SLX4: variants seen among roughly 807,000 people sequenced by gnomAD.
The protein encoded by SLX4 is SLX4 structure-specific endonuclease subunit.
SLX4 carries 112 observed loss-of-function variants against 146.2 expected under a neutral mutation model. The observed-to-expected ratio is 0.77, with a 90% CI of 0.66 to 0.90. SLX4 has a LOEUF of 0.90. Among genes scored for constraint, SLX4 ranks in the 40% least tolerant of loss-of-function variants. SLX4 has a pLI of 0.00. For missense variants in SLX4, 2,563 were observed against 2,392.7 expected, an observed-to-expected ratio of 1.07 and a Z score of -1.49; for synonymous variants, 1,061 against 997.7, an observed-to-expected ratio of 1.06 and a Z score of -1.20.
In SLX4 at chr16:3,603,733, C is replaced by A. The variant is rs79121353; in HGVS notation, c.761-1426G>T. On this transcript the variant is annotated intron_variant, in intron 3 of 14. Coordinates refer to ENST00000294008, the MANE Select transcript of SLX4 (RefSeq NM_032444.4). The stretch of plus-strand genomic sequence containing the variant: ...AGAACAGGAGCACCTGGCATTATTA[C>A]GCTTATTGGGCCGGTGCCACACCAA... 7.9e-3 allele frequency among the ~76,000 whole-genome samples: 1,198 copies of A among 152,324 alleles called. 16 individuals carry two copies. Among genetic ancestry groups the A allele is most frequent in the African/African-American group, 0.021 (858 of 41,570 alleles).
rs772366701 is a variant in SLX4, at chr16:3,608,914, A to G, written c.51T>C (p.Leu17=). The change falls in exon 2 of 15, where the codon CTT becomes CTC. Residue 17 remains leucine, a synonymous_variant. Transcript: ENST00000294008. ...EAQLGFYLGS[L]SHLSACPGID... ...TCCCAGGACAGGCAGACAGATGAGAAAGTGAACCCAAGTAGAAGCCTAGCT... is the reference window on the plus strand; with the variant it reads ...TCCCAGGACAGGCAGACAGATGAGAGAGTGAACCCAAGTAGAAGCCTAGCT... 3.7e-6 allele frequency: 6 copies of G among 1,614,044 alleles called. No individual in the cohort carries two copies. The highest frequency in any genetic ancestry group is 5.1e-6 in the Non-Finnish European group (6 of 1,180,028).
chr16:3,584,996 G>A (rs373178511), intron 12 of SLX4, 125 bp from the exon 13 acceptor site: 4 of 782,022 alleles, frequency 5.1e-6, no homozygotes, highest in Non-Finnish European at 6.8e-6. Context: ...TTTGCTCCAT[G>A]AAAGCAACAG....
chr16:3,587,878 A>T (rs945544154), intron 12 of SLX4, among the ~76,000 whole-genome samples: 1 of 152,116 alleles, frequency 6.6e-6, no homozygotes, highest in Non-Finnish European at 1.5e-5. Flanking sequence ...CCTTTCTCCC[A>T]GTCATGCTCA....
chr16:3,601,131 CG>C lies in SLX4; in HGVS notation c.1010del (p.Pro337ArgfsTer10). On this transcript the variant is annotated frameshift_variant, in exon 5 of 15. Coordinates refer to ENST00000294008, the MANE Select transcript of SLX4 (RefSeq NM_032444.4). LOFTEE classifies it high-confidence loss of function. ...AGGTAAGAAACGGTTTCCCACAAAT[CG>C]GGCACTCAGGGATCTGAGGCACAGA... ...RPSVPQIPECPICGKPFLTLK... is the reference protein window; with the variant it reads ...RPSVPQIPECXICGKPFLTLK... The C allele has an allele frequency of 6.2e-7, 1 of 1,614,072 alleles. No homozygotes were observed. Among genetic ancestry groups the C allele is most frequent in the Non-Finnish European group, 8.5e-7 (1 of 1,180,030 alleles).
intron 9 of SLX4, 25 bp downstream of exon 9, chr16:3,595,580 A>C (rs1362301261): frequency 1.2e-6 from 2 of 1,612,362 alleles, no homozygotes; most frequent in Non-Finnish European, 1.7e-6. Flanking sequence ...GGGACCAGAG[A>C]GCGCGGGCCA....
chr16:3,598,249 T>G (rs931316148), intron 5 of SLX4, among the ~76,000 whole-genome samples: 1 of 152,200 alleles, frequency 6.6e-6, no homozygotes, highest in Non-Finnish European at 1.5e-5. Flanking sequence ...TCATGGCAGA[T>G]GTACGGAGCC....
chr16:3,585,009 G>A, intron 12 of SLX4, 138 bp from the exon 13 acceptor site: 1 of 734,234 alleles, frequency 1.4e-6, no homozygotes, highest in Non-Finnish European at 2.5e-6. Context: ...AGCAACAGTG[G>A]TCACCCCTTC....
intron 9 of SLX4, among the ~76,000 whole-genome samples, chr16:3,595,370 C>A (rs1028563453): frequency 6.6e-6 from 1 of 152,232 alleles, no homozygotes; most frequent in East Asian, 1.9e-4. Flanking sequence ...CATGGAGTCA[C>A]AGACAGAAAA....
At position 3,597,073 on chromosome 16, in the gene SLX4, A is replaced by G. The variant is rs921857800; in HGVS notation, c.1683+306T>C. ...CCTGACCTCGTGATCCGCCCACCTC[A>G]GCCTCCCAAAGTGCAGGGATTACGG... On this transcript the variant is annotated intron_variant, in intron 7 of 14. Coordinates refer to ENST00000294008, the MANE Select transcript of SLX4 (RefSeq NM_032444.4). This position sits in a 1 kb window ranked among gnomAD's most constrained non-coding sequence, Gnocchi z 4.4. 6.6e-6 allele frequency among the ~76,000 whole-genome samples: 1 copy of G among 151,944 alleles called. No homozygotes were observed. The highest frequency in any genetic ancestry group is 2.4e-5 in the African/African-American group (1 of 41,364).
chr16:3,591,319 C>G lies in SLX4; in HGVS notation c.2328-9G>C, dbSNP rs73505419. The G allele has an allele frequency of 3.9e-4, 623 of 1,609,618 alleles. No homozygotes were observed. In the African/African-American group the frequency reaches 6.9e-3, roughly 18 times the overall value. Reference sequence around the variant, plus strand: ...GCTCACTCACGCCAAACCTGCAACACGAAACATCGACAGTCATCGCCCCTC... The same window carrying G: ...GCTCACTCACGCCAAACCTGCAACAGGAAACATCGACAGTCATCGCCCCTC... On this transcript the variant is annotated splice_polypyrimidine_tract_variant and intron_variant, in intron 11 of 14. Transcript: ENST00000294008.
chr16:3,605,621 A>G (rs1184903034), intron 3 of SLX4, among the ~76,000 whole-genome samples: 1 of 152,124 alleles, frequency 6.6e-6, no homozygotes, highest in Non-Finnish European at 1.5e-5. Context: ...AAAAACTGAA[A>G]GGGAAAGCTT....
At chr16:3,588,885 C>T in intron 12 of SLX4, 117 bp downstream of exon 12, 1 of 1,317,602 alleles carries the variant, frequency 7.6e-7, no homozygotes, top group South Asian at 1.2e-5. Context: ...AGTGTCATGC[C>T]TCAGGTCAGC....
intron 8 of SLX4, 82 bp from the exon 9 acceptor site, chr16:3,595,775 G>A (rs943579483): frequency 6.6e-7 from 1 of 1,524,014 alleles, no homozygotes; most frequent in Non-Finnish European, 9.0e-7. Flanking sequence ...ACCACAGGCT[G>A]AGCCAGCCCC....
In SLX4 at chr16:3,583,420, G is replaced by A. The variant is rs370775954; in HGVS notation, c.4830C>T (p.Ser1610=). 1.2e-5 allele frequency: 19 copies of A among 1,613,802 alleles called. No homozygotes were observed. Among genetic ancestry groups the A allele is most frequent in the African/African-American group, 6.7e-5 (5 of 74,930 alleles). ...GCTGTGAGGACTGGCTCTCGTCCTC[G>A]GAGTCTGAGTCCAGGGTCTGGTGAG... The part of the protein sequence containing the change: ...QYTHQTLDSD[S]EDESQSSQPL... Residue 1610 remains serine, a synonymous_variant, in exon 14 of 15, where the codon TCC becomes TCT. Coordinates refer to ENST00000294008, the MANE Select transcript of SLX4 (RefSeq NM_032444.4).
In SLX4 at chr16:3,609,363, G is replaced by A. The variant is rs1177862096; in HGVS notation, c.-399C>T. Reference sequence around the variant, plus strand: ...GCGGAGATTGCAGTGAGCCGAGATCGTGCCACTGCACTCTAACCTGGGCAA... The same window carrying A: ...GCGGAGATTGCAGTGAGCCGAGATCATGCCACTGCACTCTAACCTGGGCAA... On this transcript the variant is annotated 5_prime_UTR_variant, in exon 2 of 15. The change creates a new upstream start codon in the 5' untranslated region. Coordinates refer to ENST00000294008, the MANE Select transcript of SLX4 (RefSeq NM_032444.4). The A allele has an allele frequency of 5.6e-5, 12 of 214,868 alleles. No individual in the cohort carries two copies. The highest frequency in any genetic ancestry group is 2.1e-4 in the South Asian group (3 of 14,332). The allele number at this position is 214,868 out of a possible 1,614,324, so 13.3% of individuals were successfully genotyped here. A position where few individuals can be genotyped will look rare whatever the true frequency, so the allele number is the denominator to read the frequency against.
intron 2 of SLX4, 21 bp downstream of exon 2, chr16:3,608,409 G>C (rs778247173): frequency 6.2e-7 from 1 of 1,614,034 alleles, no homozygotes; most frequent in Non-Finnish European, 8.5e-7. Flanking sequence ...CCAGCCCCTG[G>C]TTTAAAAGAG....
At chr16:3,606,358 A>C in intron 3 of SLX4, 116 bp downstream of exon 3, 1 of 1,137,594 alleles carries the variant, frequency 8.8e-7, no homozygotes, top group Non-Finnish European at 1.3e-6. Flanking sequence ...GTAAAACATC[A>C]AGCAGAGAGC....
At position 3,608,942 on chromosome 16, in the gene SLX4, G is replaced by A. The variant is rs937700378; in HGVS notation, c.23C>T (p.Ala8Val). Reference protein sequence around the residue: MKLSVNEAQLGFYLGSLS... With the variant: MKLSVNEVQLGFYLGSLS... ...TGAACCCAAGTAGAAGCCTAGCTGA[G>A]CCTCATTCACACTCAGTTTCATTAG... The change falls in exon 2 of 15, where the codon GCT becomes GTT. Residue 8 changes from alanine (A) to valine (V), a missense_variant. By Grantham distance (64) the Ala-to-Val change is moderately conservative. Transcript: ENST00000294008. 3 of 1,613,584 alleles carry A rather than the reference G, an allele frequency of 1.9e-6. No individual in the cohort carries two copies. Among genetic ancestry groups the A allele is most frequent in the African/African-American group, 2.7e-5 (2 of 74,906 alleles).
Position 3,583,283 on chromosome 16 carries a change from G to A in SLX4, c.4967C>T (p.Pro1656Leu). Residue 1656 changes from proline to leucine, a missense_variant, in exon 14 of 15, where the codon CCC becomes CTC. By Grantham distance (98) the Pro-to-Leu change is moderately conservative (BLOSUM62 -3). Coordinates refer to ENST00000294008, the MANE Select transcript of SLX4 (RefSeq NM_032444.4). ...GCCCTTGGTCTTAGCAGGTCCCTTG[G>A]GCCTATGGGCCCCAGGTCCTGTGGT... ...EATTGPGAHR[P>L]KGPAKTKGPR... The A allele has an allele frequency of 6.2e-7, 1 of 1,614,152 alleles. No homozygotes were observed. The highest frequency in any genetic ancestry group is 8.5e-7 in the Non-Finnish European group (1 of 1,180,024).
Sources: allele counts gnomAD v4.1 joint callset (sites outside exome capture counted in the v4.1 genomes callset), GRCh38; gene constraint gnomAD v4.1.1; non-coding constraint Gnocchi (gnomAD v3.1); transcripts MANE v1.5; gene names NCBI Gene and HGNC (gene_info 2026-07-23, HGNC 2026-07-21).